Variants in SLC25A20 observed in about 807,000 individuals in gnomAD.
SLC25A20 encodes solute carrier family 25 member 20.
A neutral mutation model predicts 39.7 loss-of-function variants in SLC25A20; 29 were observed. The observed-to-expected ratio is 0.73, with a 90% confidence interval of 0.54 to 1.00. The LOEUF (loss-of-function observed/expected upper bound fraction) is 1.00, where lower values mean the gene tolerates loss of function less well. Among genes scored for constraint, SLC25A20 ranks in the 50% least tolerant of loss-of-function variants. The probability of loss-of-function intolerance (pLI) is 0.00; values close to 1 mark genes in which losing one functional copy is unlikely to be tolerated. For synonymous variants in SLC25A20, 103 were observed against 142.2 expected (o/e 0.72, Z 1.96); for missense variants, 333 against 379.9 (o/e 0.88, Z 1.03).
At chr3:48,881,786 G>A (rs181015479) in intron 3 of SLC25A20, among the ~76,000 whole-genome samples, 87 of 152,290 alleles carry the variant, frequency 5.7e-4, no homozygotes, top group Non-Finnish European at 1.9e-4. Flanking sequence ...CATGCTAAAA[G>A]ACCAGGCGCT....
intron 4 of SLC25A20, among the ~76,000 whole-genome samples, chr3:48,866,127 T>C (rs1184034649): frequency 6.7e-6 from 1 of 149,596 alleles, no homozygotes; most frequent in Non-Finnish European, 1.5e-5. Flanking sequence ...AGCGAGACTC[T>C]GTCTCAAAAA....
At chr3:48,861,899 G>T (rs555934473) in intron 5 of SLC25A20, among the ~76,000 whole-genome samples, 68 of 152,128 alleles carry the variant, frequency 4.5e-4, no homozygotes, top group Non-Finnish European at 8.2e-4. Context: ...ATGGTGGCAT[G>T]TGCTTGTAAT....
intron 4 of SLC25A20, among the ~76,000 whole-genome samples, chr3:48,869,096 C>A (rs752339553): frequency 6.6e-6 from 1 of 152,092 alleles, no homozygotes; most frequent in Non-Finnish European, 1.5e-5. Context: ...TCTACCTCCA[C>A]CTAGCTGTAA....
intron 6 of SLC25A20, 118 bp downstream of exon 6, chr3:48,859,437 A>G (rs2083606103): frequency 5.3e-6 from 5 of 939,286 alleles, no homozygotes; most frequent in East Asian, 2.4e-5. Context: ...AGCAGCCACA[A>G]GAGGAAAGCA....
intron 1 of SLC25A20, among the ~76,000 whole-genome samples, chr3:48,894,150 C>T (rs1396180884): frequency 1.4e-5 from 2 of 139,678 alleles, no homozygotes; most frequent in Non-Finnish European, 3.1e-5. Flanking sequence ...AAGAGTGAGA[C>T]TCCTTCTCAA....
At chr3:48,893,776 T>G (rs1381922226) in intron 1 of SLC25A20, among the ~76,000 whole-genome samples, 1 of 146,842 alleles carries the variant, frequency 6.8e-6, no homozygotes, top group Non-Finnish European at 1.5e-5. Context: ...ACAATCTGCC[T>G]GCCTTAGCCT....
intron 2 of SLC25A20, among the ~76,000 whole-genome samples, chr3:48,886,381 A>G (rs1393372754): frequency 6.6e-6 from 1 of 151,640 alleles, no homozygotes; most frequent in Admixed American, 6.6e-5. Context: ...AAAATTAGCC[A>G]GGCGTGGTGG....
chr3:48,874,839 G>A (rs2083742575), intron 4 of SLC25A20, among the ~76,000 whole-genome samples: 2 of 151,930 alleles, frequency 1.3e-5, no homozygotes, highest in East Asian at 2.0e-4. Flanking sequence ...TTAAGGTCAG[G>A]AGTTCAAGAC....
intron 4 of SLC25A20, 146 bp downstream of exon 4, chr3:48,879,212 C>T (rs2083782930): frequency 1.3e-6 from 1 of 761,074 alleles, no homozygotes; most frequent in Non-Finnish European, 2.4e-6. Context: ...AATCCTCACA[C>T]CTTGGTCTCC....
chr3:48,876,557 C>T (rs954733076), intron 4 of SLC25A20, among the ~76,000 whole-genome samples: 1 of 151,042 alleles, frequency 6.6e-6, no homozygotes, highest in Admixed American at 6.6e-5. Context: ...TCCCGAGTAG[C>T]TGGGATTACA....
intron 4 of SLC25A20, among the ~76,000 whole-genome samples, chr3:48,864,472 A>G (rs960271193): frequency 6.6e-6 from 1 of 151,674 alleles, no homozygotes; most frequent in African/African-American, 2.4e-5. Context: ...AAGAGTCCTA[A>G]TTCTAGTTGG....
chr3:48,867,570 T>C (rs2083681382), intron 4 of SLC25A20, among the ~76,000 whole-genome samples: 1 of 151,422 alleles, frequency 6.6e-6, no homozygotes, highest in Non-Finnish European at 1.5e-5. Context: ...TTTGTATTTT[T>C]AAGATGAAAA....
At chr3:48,880,756 C>CA (rs1349211855) in intron 3 of SLC25A20, among the ~76,000 whole-genome samples, 4 of 151,426 alleles carry the variant, frequency 2.6e-5, no homozygotes, top group Non-Finnish European at 5.9e-5. Flanking sequence ...TTTGTAGAGA[C>CA]AGAGTTTCGC....
chr3:48,872,279 C>T (rs1441665867), intron 4 of SLC25A20, among the ~76,000 whole-genome samples: 1 of 151,314 alleles, frequency 6.6e-6, no homozygotes, highest in South Asian at 2.1e-4. Context: ...TACAGGTGCA[C>T]GCCACCATGC....
intron 4 of SLC25A20, among the ~76,000 whole-genome samples, chr3:48,873,699 G>C (rs2083734653): frequency 6.6e-6 from 1 of 151,296 alleles, no homozygotes; most frequent in Non-Finnish European, 1.5e-5. Flanking sequence ...TCTCAGACTG[G>C]CCAGGCGCAG....
rs141553706 is a variant in SLC25A20 at position 48,862,638 on chromosome 3, T to C, written c.439A>G (p.Ser147Gly). ...LLQIQASSGE[S>G]KYTGTLDCAK... ...CAGTCCAAGGTACCAGTGTACTTGCTTTCTCCTGAAGAAGCCTGAATCTGG... is the reference window on the plus strand; with the variant it reads ...CAGTCCAAGGTACCAGTGTACTTGCCTTCTCCTGAAGAAGCCTGAATCTGG... The change falls in exon 5 of 9, where the codon AGC becomes GGC. Residue 147 changes from serine (S) to glycine (G), a missense_variant. Physicochemically the swap from Ser to Gly is moderately conservative, Grantham distance 56. Transcript: ENST00000319017. 4.0e-5 allele frequency: 65 copies of C among 1,613,590 alleles called. No individual in the cohort carries two copies. Among genetic ancestry groups the C allele is most frequent in the African/African-American group, 5.3e-5 (4 of 74,922 alleles).
In SLC25A20 at chr3:48,894,315, G is replaced by T. The variant is rs1298970748; in HGVS notation, c.106-2243C>A. On this transcript the variant is annotated intron_variant, in intron 1 of 8. Coordinates refer to ENST00000319017, the MANE Select transcript of SLC25A20 (RefSeq NM_000387.6). Reference sequence around the variant, plus strand: ...GAGTCTTGCTCTGTCACCCAGGCTGGAGTGCAGTGGCTCAATCTCAGTTCA... The same window carrying T: ...GAGTCTTGCTCTGTCACCCAGGCTGTAGTGCAGTGGCTCAATCTCAGTTCA... Among the ~76,000 whole-genome samples the T allele has an allele frequency of 2.7e-5, 4 of 148,948 alleles. No homozygotes were observed. The East Asian group carries it at 8.0e-4, about 30-fold the overall frequency.
intron 1 of SLC25A20, among the ~76,000 whole-genome samples, chr3:48,897,367 A>ATATATAT (rs1256371148): frequency 9.8e-4 from 82 of 83,718 alleles, no homozygotes; most frequent in Non-Finnish European, 1.7e-3. Flanking sequence ...ATATATATAT[A>ATATATAT]TTTTTTTTTT....
intron 2 of SLC25A20, among the ~76,000 whole-genome samples, chr3:48,884,522 G>T (rs1295269708): frequency 2.6e-5 from 4 of 151,686 alleles, no homozygotes; most frequent in African/African-American, 2.4e-5. Flanking sequence ...CCTAATTTTT[G>T]TATTTTTTGT....
Sources: gnomAD v4.1 joint callset for allele counts (sites outside exome capture counted in the v4.1 genomes callset) on GRCh38, gnomAD v4.1.1 for gene constraint, MANE v1.5 for transcripts, NCBI Gene and HGNC (gene_info 2026-07-23, HGNC 2026-07-21) for gene names.